ZNF347: variants seen among roughly 807,000 people sequenced by gnomAD.
ZNF347 encodes CTD-2620I22.7.
A neutral mutation model predicts 12.9 loss-of-function variants in ZNF347; 19 were observed. The ratio of observed to expected loss-of-function variants is 1.47; its 90% CI spans 1.03 to 2.16. The LOEUF is 2.16. ZNF347 is among the 30% of genes most tolerant of loss of function. The pLI is 0.00. For synonymous variants in ZNF347, 328 were observed against 340.6 expected (o/e 0.96, Z 0.41); for missense variants, 1,005 against 990.6 (o/e 1.01, Z -0.19).
intron 2 of ZNF347, among the ~76,000 whole-genome samples, chr19:53,150,805 T>G (rs1367254279): frequency 2.6e-5 from 4 of 152,190 alleles, no homozygotes; most frequent in African/African-American, 9.6e-5. Context: ...AGTGGCATGA[T>G]CTCAGTTCAC....
intron 1 of ZNF347, 68 bp downstream of exon 1, chr19:53,158,941 C>G (rs1436814434): frequency 1.3e-5 from 2 of 151,950 alleles, no homozygotes; most frequent in East Asian, 1.9e-4. Flanking sequence ...CTGTAGCGAG[C>G]CCGGGAACTG....
intron 4 of ZNF347, among the ~76,000 whole-genome samples, chr19:53,145,175 T>A (rs1250014969): frequency 2.0e-5 from 3 of 150,724 alleles, no homozygotes; most frequent in African/African-American, 7.3e-5. Context: ...CCTATAATCC[T>A]AGCTACTCGG....
Position 53,140,742 on chromosome 19 carries a change from G to C in ZNF347, c.2086C>G (p.Leu696Val). The C allele has an allele frequency of 6.2e-7, 1 of 1,612,648 alleles. No individual in the cohort carries two copies. The highest frequency in any genetic ancestry group is 1.1e-5 in the South Asian group (1 of 90,898). Residue 696 changes from leucine to valine, a missense_variant, in exon 5 of 5, where the codon CTT (leucine) becomes GTT (valine). Transcript: ENST00000334197. ...CGKAFSQTSK[L>V]ARHQRVHTGE... ...GTATGAACTCTCTGATGCCTTGCAAGCTTTGATGTTTGACTAAAGGCTTTG... is the reference window on the plus strand; with the variant it reads ...GTATGAACTCTCTGATGCCTTGCAACCTTTGATGTTTGACTAAAGGCTTTG...
rs1568637880 is a variant in ZNF347, at chr19:53,142,621, GAAAAACAATATT to G, written c.272-77_272-66del. The stretch of plus-strand genomic sequence containing the variant: ...AGTACGTAAACAAGTATTTTACACC[GAAAAACAATATT>G]ACACCGAAAAACAATATTAAACCAA... On this transcript the variant is annotated intron_variant, in intron 4 of 4. Coordinates refer to ENST00000334197, the MANE Select transcript of ZNF347 (RefSeq NM_032584.3). 2.1e-4 allele frequency: 260 copies of G among 1,243,268 alleles called. No individual in the cohort carries two copies. In the African/African-American group the frequency reaches 3.4e-3, roughly 16 times the overall value. The allele number at this position is 1,243,268 out of a possible 1,614,324, so 77.0% of individuals were successfully genotyped here.
At chr19:53,147,922 A>G (rs1403703066) in intron 4 of ZNF347, among the ~76,000 whole-genome samples, 1 of 152,208 alleles carries the variant, frequency 6.6e-6, no homozygotes, top group East Asian at 1.9e-4. Context: ...GCATATTATC[A>G]TTTCAATAGA....
At chr19:53,154,397 C>A (rs1313511093) in intron 1 of ZNF347, among the ~76,000 whole-genome samples, 1 of 151,886 alleles carries the variant, frequency 6.6e-6, no homozygotes, top group Non-Finnish European at 1.5e-5. Context: ...GGCCTAGATG[C>A]TGGATCTAGA....
chr19:53,154,115 C>T (rs1179380863), intron 1 of ZNF347, among the ~76,000 whole-genome samples: 1 of 152,088 alleles, frequency 6.6e-6, no homozygotes. Flanking sequence ...CAGACCAAGC[C>T]CTGACCAAAC....
chr19:53,148,584 A>T (rs2090477120), intron 4 of ZNF347, 97 bp downstream of exon 4: 4 of 1,298,164 alleles, frequency 3.1e-6, no homozygotes, highest in Non-Finnish European at 4.0e-6. Context: ...AGGTCACAGA[A>T]TTCAAACTTG....
rs1444674137 is a variant in ZNF347, at chr19:53,142,031, C to T, written c.797G>A (p.Cys266Tyr). The T allele has an allele frequency of 1.2e-6, 2 of 1,614,078 alleles. No individual in the cohort carries two copies. Among genetic ancestry groups the T allele is most frequent in the Admixed American group, 1.7e-5 (1 of 60,010 alleles). ...TGAATTTTGAGGAAAGACCATGCCA[C>T]ATCCATTAGATTTGTAAGGGCTTCC... ...NWGSPYKSNG[C>Y]GMVFPQNSHL... The change falls in exon 5 of 5, where the codon TGT (cysteine) becomes TAT (tyrosine). Residue 266 changes from cysteine (C) to tyrosine (Y), a missense_variant. By Grantham distance (194) the Cys-to-Tyr change is radical. Transcript: ENST00000334197.
At chr19:53,147,651 C>T (rs1568640454) in intron 4 of ZNF347, among the ~76,000 whole-genome samples, 1 of 152,008 alleles carries the variant, frequency 6.6e-6, no homozygotes, top group South Asian at 2.1e-4. Context: ...GAAGGCAGCA[C>T]ATATTTCCAA....
At position 53,137,271 on chromosome 19, in the gene ZNF347, T is replaced by C. The variant is rs923733516; in HGVS notation, c.*3037A>G. The C allele has an allele frequency of 6.6e-6, 1 of 152,186 alleles. No individual in the cohort carries two copies. Among genetic ancestry groups the C allele is most frequent in the African/African-American group, 2.4e-5 (1 of 41,458 alleles). The allele number at this position is 152,186 out of a possible 1,614,324, so 9.4% of individuals were successfully genotyped here. A position where few individuals can be genotyped will look rare whatever the true frequency, so the allele number is the denominator to read the frequency against. On this transcript the variant is annotated 3_prime_UTR_variant, in exon 5 of 5. Coordinates refer to ENST00000334197, the MANE Select transcript of ZNF347 (RefSeq NM_032584.3). ...TTTCCATTTTGTGATTTTTGTCTTA[T>C]ACCACCATTTATACCTCTGCACTCC... is the stretch of plus-strand genomic sequence containing the variant.
rs1024924727 is a variant in ZNF347 at position 53,135,103 on chromosome 19, C to T, written c.*5205G>A. On this transcript the variant is annotated 3_prime_UTR_variant, in exon 5 of 5. Coordinates refer to ENST00000334197, the MANE Select transcript of ZNF347 (RefSeq NM_032584.3). The stretch of plus-strand genomic sequence containing the variant: ...GTAGCATCATCATTAAAAGCTTTGT[C>T]TTTGCAACCAGACAACATGGATTCA... 2 of 151,894 alleles carry T rather than the reference C, an allele frequency of 1.3e-5. No individual in the cohort carries two copies. Among genetic ancestry groups the T allele is most frequent in the African/African-American group, 4.8e-5 (2 of 41,344 alleles). 9.4% of individuals were successfully genotyped at this position (151,894 alleles called of 1,614,324 possible). A position where few individuals can be genotyped will look rare whatever the true frequency, so the allele number is the denominator to read the frequency against.
In ZNF347 at chr19:53,142,295, T is replaced by A; in HGVS notation, c.533A>T (p.Lys178Met). 2 of 1,614,018 alleles carry A rather than the reference T, an allele frequency of 1.2e-6. No homozygotes were observed. Among genetic ancestry groups the A allele is most frequent in the Non-Finnish European group, 1.7e-6 (2 of 1,179,972 alleles). Residue 178 changes from lysine to methionine, a missense_variant, in exon 5 of 5, where the codon AAG becomes ATG. Coordinates refer to ENST00000334197, the MANE Select transcript of ZNF347 (RefSeq NM_032584.3). ...TAATCCAAGCTGATTTTTAATAAGCTTGTTTCTTGCATCTCTTTTATCATG... is the reference window on the plus strand; with the variant it reads ...TAATCCAAGCTGATTTTTAATAAGCATGTTTCTTGCATCTCTTTTATCATG... ...DEHDKRDARNKLIKNQLGLSL... is the reference protein window; with the variant it reads ...DEHDKRDARNMLIKNQLGLSL...
At position 53,141,172 on chromosome 19, in the gene ZNF347, C is replaced by T. The variant is rs182795067; in HGVS notation, c.1656G>A (p.Val552=). 1.9e-4 allele frequency: 312 copies of T among 1,603,514 alleles called. 1 individual carries two copies. The highest frequency in any genetic ancestry group is 3.3e-4 in the Middle Eastern group (2 of 6,014). ...MCNECGKAFS[V]YSSLTTHQVI... is the part of the protein sequence containing the mutation. ...CCTGATGGGTAGTTAGGCTTGAATA[C>T]ACACTGAAGGCTTTGCCGCACTCAT... is the stretch of plus-strand genomic sequence containing the variant. Residue 552 remains valine (V), a synonymous_variant, in exon 5 of 5, where the codon GTG becomes GTA. Transcript: ENST00000334197.
intron 4 of ZNF347, among the ~76,000 whole-genome samples, chr19:53,143,815 A>C (rs997065750): frequency 6.6e-6 from 1 of 152,186 alleles, no homozygotes; most frequent in African/African-American, 2.4e-5. Context: ...TGACTTCCAC[A>C]ATGGTTGAAC....
At chr19:53,147,741 C>T (rs1464200302) in intron 4 of ZNF347, among the ~76,000 whole-genome samples, 3 of 152,024 alleles carry the variant, frequency 2.0e-5, no homozygotes, top group Non-Finnish European at 4.4e-5. Context: ...CTATAGGCCA[C>T]TACCCCTGAT....
rs1178984725 is a variant in ZNF347, at chr19:53,135,339, T to TAGAGAGAGAGAGAG, written c.*4955_*4968dup. On this transcript the variant is annotated 3_prime_UTR_variant, in exon 5 of 5. Transcript: ENST00000334197. ...ATATATATATATATATATATATATA[T>TAGAGAGAGAGAGAG]AGAGAGAGAGAGAGAGAGAGAGAGA... 5.9e-5 allele frequency: 5 copies of TAGAGAGAGAGAGAG among 85,250 alleles called. No individual in the cohort carries two copies. Among genetic ancestry groups the TAGAGAGAGAGAGAG allele is most frequent in the African/African-American group, 2.9e-4 (5 of 17,182 alleles). 5.3% of individuals were successfully genotyped at this position (85,250 alleles called of 1,614,324 possible). A position where few individuals can be genotyped will look rare whatever the true frequency, so the allele number is the denominator to read the frequency against.
In ZNF347 at chr19:53,141,190, G is replaced by A. The variant is rs1661935; in HGVS notation, c.1638C>T (p.Cys546=). 0.066 allele frequency: 106,742 copies of A among 1,610,776 alleles called. 3,874 individuals carry two copies. The highest frequency in any genetic ancestry group is 0.098 in the African/African-American group (7,236 of 73,752). Residue 546 remains cysteine, a synonymous_variant, in exon 5 of 5, where the codon TGC becomes TGT. Coordinates refer to ENST00000334197, the MANE Select transcript of ZNF347 (RefSeq NM_032584.3). ...TGVKPYMCNE[C]GKAFSVYSSL... ...TTGAATACACACTGAAGGCTTTGCC[G>A]CACTCATTACACATATAAGGCTTCA...
At chr19:53,143,392 A>G (rs1327034687) in intron 4 of ZNF347, among the ~76,000 whole-genome samples, 2 of 92,894 alleles carry the variant, frequency 2.2e-5, no homozygotes, top group African/African-American at 8.6e-5. Flanking sequence ...CCCACCCCAC[A>G]ACAGTCCCCA....
Sources: allele counts gnomAD v4.1 joint callset (sites outside exome capture counted in the v4.1 genomes callset), GRCh38; gene constraint gnomAD v4.1.1; transcripts MANE v1.5; gene names NCBI Gene and HGNC (gene_info 2026-07-23, HGNC 2026-07-21).